The following CRYM variants were observed in gnomAD, a reference collection of about 807,000 sequenced individuals.
The protein encoded by CRYM is crystallin mu.
CRYM carries 18 observed loss-of-function variants against 32.9 expected under a neutral mutation model. The observed-to-expected ratio is 0.55, with a 90% confidence interval of 0.38 to 0.81. The LOEUF is 0.81. Among genes scored for constraint, CRYM ranks in the 30% least tolerant of loss-of-function variants. The pLI, the probability that CRYM is intolerant of heterozygous loss-of-function variation, is 0.00. For missense variants in CRYM, 337 were observed against 393.5 expected, an observed-to-expected ratio of 0.86 and a Z score of 1.21; for synonymous variants, 153 against 152.4, an observed-to-expected ratio of 1.00 and a Z score of -0.03.
At chr16:21,301,682 T>G (rs757471978) in intron 1 of CRYM, among the ~76,000 whole-genome samples, 28 of 152,196 alleles carry the variant, frequency 1.8e-4, no homozygotes, top group Non-Finnish European at 3.2e-4. Context: ...CCTCCTGCCT[T>G]CCGCACCGCT....
chr16:21,289,179 G>T (rs1173295612), intron 1 of CRYM, among the ~76,000 whole-genome samples: 1 of 151,960 alleles, frequency 6.6e-6, no homozygotes, highest in Non-Finnish European at 1.5e-5. Flanking sequence ...TTTAAAGTGG[G>T]GTATTGACAT....
chr16:21,291,249 A>G (rs1451113539), intron 1 of CRYM, among the ~76,000 whole-genome samples: 1 of 152,166 alleles, frequency 6.6e-6, no homozygotes, highest in African/African-American at 2.4e-5. Context: ...CCTTGGGATG[A>G]GCATCAGCAA....
At chr16:21,300,245 T>A (rs530191415) in intron 1 of CRYM, 3 of 152,332 alleles carry the variant, frequency 2.0e-5, no homozygotes, top group African/African-American at 7.2e-5. Flanking sequence ...CACCCTTCTG[T>A]GCCTTTTGTC....
chr16:21,261,444 GA>G, intron 6 of CRYM, 106 bp from the exon 7 acceptor site: 1 of 559,782 alleles, frequency 1.8e-6, no homozygotes, highest in Non-Finnish European at 3.0e-6. Flanking sequence ...AGATAAATTT[GA>G]TTAAAAAAAA....
Position 21,258,785 on chromosome 16 carries a change from T to C in CRYM, c.941A>G (p.Lys314Arg), listed in dbSNP as rs104894512. The C allele has an allele frequency of 6.2e-7, 1 of 1,613,620 alleles. No homozygotes were observed. Among genetic ancestry groups the C allele is most frequent in the Non-Finnish European group, 8.5e-7 (1 of 1,179,650 alleles). ...TCAACATCAAGTTCCTTTGTTTTAT[T>C]TACCAGATGACCAGGAATCATAGAT... is the stretch of plus-strand genomic sequence containing the variant. ...KLIYDSWSSG[K>R] Residue 314 changes from lysine (K) to arginine (R), a missense_variant, in exon 8 of 8, where the codon AAA becomes AGA. Lys to Arg is a conservative substitution (Grantham distance 26). Coordinates refer to ENST00000572914, the MANE Select transcript of CRYM (RefSeq NM_001376256.1).
At chr16:21,297,002 C>T (rs971896216) in intron 1 of CRYM, among the ~76,000 whole-genome samples, 2 of 151,768 alleles carry the variant, frequency 1.3e-5, no homozygotes, top group African/African-American at 2.4e-5. Context: ...AGCAAGACTC[C>T]GTCTCTAAAA....
chr16:21,288,870 G>A (rs1644797495), intron 1 of CRYM, among the ~76,000 whole-genome samples: 1 of 151,844 alleles, frequency 6.6e-6, no homozygotes, highest in South Asian at 2.1e-4. Context: ...AGTTTGTATT[G>A]TCTAATTTAC....
chr16:21,284,916 C>T (rs759443604), intron 1 of CRYM, among the ~76,000 whole-genome samples: 7 of 152,224 alleles, frequency 4.6e-5, no homozygotes, highest in Non-Finnish European at 7.3e-5. Flanking sequence ...GTTCTCTTTT[C>T]TCCACAGCCT....
chr16:21,260,384 C>A (rs1386342724), intron 7 of CRYM, among the ~76,000 whole-genome samples: 1 of 152,140 alleles, frequency 6.6e-6, no homozygotes, highest in Non-Finnish European at 1.5e-5. Context: ...ACTACAACCT[C>A]CACCTTCCGG....
At chr16:21,279,054 T>A (rs2093393412), upstream of CRYM, 1 of 152,156 alleles carries the variant, frequency 6.6e-6, no homozygotes, top group Non-Finnish European at 1.5e-5. Context: ...GTAAGTTAAT[T>A]CAAAGAAAAG....
chr16:21,273,839 T>C (rs1452951399), intron 3 of CRYM, among the ~76,000 whole-genome samples: 1 of 152,206 alleles, frequency 6.6e-6, no homozygotes, highest in Non-Finnish European at 1.5e-5. Flanking sequence ...AATACAAGAT[T>C]CATTCTGTTC....
intron 1 of CRYM, among the ~76,000 whole-genome samples, chr16:21,292,883 C>T (rs1274419596): frequency 6.6e-6 from 1 of 151,838 alleles, no homozygotes; most frequent in Non-Finnish European, 1.5e-5. Flanking sequence ...TATTTGAAAC[C>T]TTATTATAAA....
At chr16:21,302,525 C>T (rs939668590) in intron 1 of CRYM, among the ~76,000 whole-genome samples, 2 of 152,212 alleles carry the variant, frequency 1.3e-5, no homozygotes, top group African/African-American at 4.8e-5. Flanking sequence ...GACCAGAACT[C>T]AGTCTAAACT....
At chr16:21,267,254 T>A (rs1406005458) in intron 5 of CRYM, among the ~76,000 whole-genome samples, 1 of 151,980 alleles carries the variant, frequency 6.6e-6, no homozygotes, top group Non-Finnish European at 1.5e-5. Flanking sequence ...CAAGCCACCA[T>A]GCCTGGCTAA....
intron 1 of CRYM, among the ~76,000 whole-genome samples, chr16:21,286,267 G>A (rs2093407056): frequency 6.6e-6 from 1 of 151,616 alleles, no homozygotes; most frequent in Admixed American, 6.6e-5. Flanking sequence ...GCCCAGGCTG[G>A]AATGCAATGG....
At chr16:21,293,028 A>AAGATAGATAGGT (rs1555465439) in intron 1 of CRYM, among the ~76,000 whole-genome samples, 34 of 150,364 alleles carry the variant, frequency 2.3e-4, no homozygotes, top group African/African-American at 8.3e-4. Flanking sequence ...AAGTAGATAG[A>AAGATAGATAGGT]AGATAGATAG....
chr16:21,261,784 G>C (rs2093354960), intron 6 of CRYM: 4 of 507,394 alleles, frequency 7.9e-6, no homozygotes, highest in Admixed American at 3.2e-5. Flanking sequence ...TTCTTTAGAG[G>C]ACAGCCCAGC....
chr16:21,303,048 C>G (rs1960993126), exon 1 of CRYM: 1 of 152,394 alleles, frequency 6.6e-6, no homozygotes, highest in Admixed American at 6.5e-5. Flanking sequence ...TAGTGGCAGA[C>G]AAGAAAGCTT....
intron 1 of CRYM, chr16:21,299,852 T>A (rs1333856427): frequency 6.6e-6 from 1 of 152,236 alleles, no homozygotes; most frequent in African/African-American, 2.4e-5. Context: ...TAGCAATATT[T>A]TGGTGATTTC....
Sources: gnomAD v4.1 joint callset for allele counts (sites outside exome capture counted in the v4.1 genomes callset) on GRCh38, gnomAD v4.1.1 for gene constraint, MANE v1.5 for transcripts, NCBI Gene and HGNC (gene_info 2026-07-23, HGNC 2026-07-21) for gene names.